CCDC25: variants seen among roughly 807,000 people sequenced by gnomAD.
CCDC25 encodes coiled-coil domain-containing protein 25.
Under a neutral mutation model 35.3 loss-of-function variants are expected in CCDC25, and 16 were observed. The observed-to-expected ratio is 0.45, with a 90% confidence interval of 0.31 to 0.69. CCDC25 has a LOEUF of 0.69. Among genes scored for constraint, CCDC25 ranks in the 30% least tolerant of loss-of-function variants. The pLI is 0.06. For synonymous variants in CCDC25, 79 were observed against 80.3 expected (o/e 0.98, Z 0.09); for missense variants, 179 against 250.7 (o/e 0.71, Z 1.93).
rs1194461168 is a variant in CCDC25 at position 27,737,574 on chromosome 8, C to T, written c.598-1329G>A. On this transcript the variant is annotated intron_variant, in intron 8 of 8. Coordinates refer to ENST00000356537, the MANE Select transcript of CCDC25 (RefSeq NM_018246.3). The surrounding 1 kb of genome is among the most constrained non-coding windows in gnomAD (Gnocchi z 4.6). ...CTTTAACTTAAAAATCAACTGATCA[C>T]GTTCTAAATTGGATCATAAAACATC... is the stretch of plus-strand genomic sequence containing the variant. 7.2e-5 allele frequency among the ~76,000 whole-genome samples: 11 copies of T among 152,116 alleles called. No homozygotes were observed. The highest frequency in any genetic ancestry group is 2.0e-4 in the Admixed American group (3 of 15,268).
chr8:27,755,597 G>C (rs916981813), intron 4 of CCDC25, among the ~76,000 whole-genome samples: 1 of 152,110 alleles, frequency 6.6e-6, no homozygotes, highest in Non-Finnish European at 1.5e-5. Context: ...TACAGAAATG[G>C]GGAGAAAAGC....
chr8:27,740,409 A>G, intron 8 of CCDC25, 63 bp downstream of exon 8: 2 of 1,511,554 alleles, frequency 1.3e-6, no homozygotes, highest in Admixed American at 1.9e-5. Context: ...CAGTAACACA[A>G]TTATTAAAAA....
chr8:27,750,090 G>T (rs184728448), intron 5 of CCDC25, among the ~76,000 whole-genome samples: 28 of 152,298 alleles, frequency 1.8e-4, no homozygotes, highest in Admixed American at 1.6e-3. Flanking sequence ...TGCTCTCCAC[G>T]ACTCTAACGG....
rs1043325989 is a variant in CCDC25 at position 27,772,554 on chromosome 8, G to C, written c.-14C>G. On this transcript the variant is annotated 5_prime_UTR_variant, in exon 1 of 9. Transcript: ENST00000356537. Reference sequence around the variant, plus strand: ...GTAGAACACCATGATCCCGGGAGCGGTGCGGTGACTCCACCGCGGAGCAGC... The same window carrying C: ...GTAGAACACCATGATCCCGGGAGCGCTGCGGTGACTCCACCGCGGAGCAGC... 5.2e-6 allele frequency: 8 copies of C among 1,548,948 alleles called. No homozygotes were observed. Among genetic ancestry groups the C allele is most frequent in the Non-Finnish European group, 7.0e-6 (8 of 1,146,472 alleles).
Position 27,756,782 on chromosome 8 carries a change from G to A in CCDC25, c.117-12C>T. Reference sequence around the variant, plus strand: ...TGTCCACATGAAACCTACAAAGAATGAAAACCACTTTTAGCAAGAGGTACA... The same window carrying A: ...TGTCCACATGAAACCTACAAAGAATAAAAACCACTTTTAGCAAGAGGTACA... On this transcript the variant is annotated splice_polypyrimidine_tract_variant and intron_variant, in intron 3 of 8. Coordinates refer to ENST00000356537, the MANE Select transcript of CCDC25 (RefSeq NM_018246.3). 2 of 1,604,354 alleles carry A rather than the reference G, an allele frequency of 1.2e-6. No homozygotes were observed. The highest frequency in any genetic ancestry group is 1.7e-6 in the Non-Finnish European group (2 of 1,171,238).
intron 3 of CCDC25, among the ~76,000 whole-genome samples, chr8:27,762,211 G>A (rs1053210727): frequency 4.6e-5 from 7 of 152,200 alleles, no homozygotes; most frequent in African/African-American, 1.7e-4. Context: ...CTGTGTCCTA[G>A]AGGCCTTTGC....
chr8:27,746,832 G>T lies in CCDC25; in HGVS notation c.551+1245C>A, dbSNP rs112065509. On this transcript the variant is annotated intron_variant, in intron 7 of 8. Coordinates refer to ENST00000356537, the MANE Select transcript of CCDC25 (RefSeq NM_018246.3). Reference sequence around the variant, plus strand: ...TTAGCAGAACCCCAACCAGAAACACGTGCATGCGAATAATAAATAACAGTA... The same window carrying T: ...TTAGCAGAACCCCAACCAGAAACACTTGCATGCGAATAATAAATAACAGTA... Among the ~76,000 whole-genome samples, 1,511 of 152,218 alleles carry T rather than the reference G, an allele frequency of 9.9e-3. 18 individuals are homozygous for T. The highest frequency in any genetic ancestry group is 0.034 in the African/African-American group (1,399 of 41,518).
rs1803209205 is a variant in CCDC25, at chr8:27,735,988, T to C, written c.*228A>G. 1 of 438,998 alleles carries C rather than the reference T, an allele frequency of 2.3e-6. No individual in the cohort carries two copies. The highest frequency in any genetic ancestry group is 4.1e-5 in the Admixed American group (1 of 24,562). 27.2% of individuals were successfully genotyped at this position (438,998 alleles called of 1,614,324 possible). A position where few individuals can be genotyped will look rare whatever the true frequency, so the allele number is the denominator to read the frequency against. ...AAGACATGTTCTGGCAAAAACATTT[T>C]CACTTTAAGTTATATGCTGTCAAGT... On this transcript the variant is annotated 3_prime_UTR_variant, in exon 9 of 9. Transcript: ENST00000356537.
chr8:27,757,299 C>A (rs558873787), intron 3 of CCDC25, among the ~76,000 whole-genome samples: 2 of 152,258 alleles, frequency 1.3e-5, no homozygotes, highest in South Asian at 4.1e-4. Flanking sequence ...GCAAAACAAT[C>A]CAAAGAGAAT....
chr8:27,748,441 G>A (rs1803679558), intron 6 of CCDC25, 54 bp downstream of exon 6: 1 of 1,398,166 alleles, frequency 7.2e-7, no homozygotes, highest in African/African-American at 1.4e-5. Context: ...GAAAAGATAG[G>A]ATACTCCATT....
intron 4 of CCDC25, among the ~76,000 whole-genome samples, chr8:27,755,312 G>T (rs547246011): frequency 6.6e-6 from 1 of 152,186 alleles, no homozygotes; most frequent in African/African-American, 2.4e-5. Context: ...GGGAGCACAC[G>T]GGAGCCCGCT....
At chr8:27,772,431 G>T in intron 1 of CCDC25, 82 bp downstream of exon 1, 3 of 1,399,226 alleles carry the variant, frequency 2.1e-6, no homozygotes, top group Non-Finnish European at 3.0e-6. Flanking sequence ...TAGAGCGAGG[G>T]TCAGGCGCAG....
intron 3 of CCDC25, among the ~76,000 whole-genome samples, chr8:27,761,455 T>A (rs1485681210): frequency 6.7e-6 from 1 of 149,686 alleles, no homozygotes; most frequent in Non-Finnish European, 1.5e-5. Flanking sequence ...GTTAAATGTA[T>A]TAATGGAGGT....
At chr8:27,764,537 T>C (rs1430020601) in intron 2 of CCDC25, 16 of 334,898 alleles carry the variant, frequency 4.8e-5, no homozygotes, top group Non-Finnish European at 8.5e-5. Flanking sequence ...CCTCAGCCTG[T>C]CAAAGTGTTG....
rs116739720 is a variant in CCDC25, at chr8:27,756,487, T to C, written c.168+232A>G. 8.6e-4 allele frequency: 417 copies of C among 487,216 alleles called. 2 individuals carry two copies. Among genetic ancestry groups the C allele is most frequent in the African/African-American group, 7.6e-3 (388 of 50,758 alleles). 30.2% of individuals were successfully genotyped at this position (487,216 alleles called of 1,614,324 possible). On this transcript the variant is annotated intron_variant, in intron 4 of 8. Transcript: ENST00000356537. ...AGACAGCACACCGGAAGTGACAGGA[T>C]AAGCAGTGCATCTAGCTGGGAAATA...
rs761616875 is a variant in CCDC25, at chr8:27,748,069, C to T, written c.551+8G>A. On this transcript the variant is annotated splice_region_variant and intron_variant, in intron 7 of 8. Coordinates refer to ENST00000356537, the MANE Select transcript of CCDC25 (RefSeq NM_018246.3). ...GAGGTCAGTCTCAATGCCACAGCTC[C>T]GACATACCTAAGTTCATCCATTTCC... 24 of 1,610,496 alleles carry T rather than the reference C, an allele frequency of 1.5e-5. No individual in the cohort carries two copies. The highest frequency in any genetic ancestry group is 1.3e-4 in the East Asian group (6 of 44,872).
chr8:27,772,461 G>C, intron 1 of CCDC25, 52 bp downstream of exon 1: 1 of 1,535,146 alleles, frequency 6.5e-7, no homozygotes, highest in Non-Finnish European at 8.8e-7. Context: ...GCGGGTCCCG[G>C]CTTCGGAGCC....
intron 3 of CCDC25, among the ~76,000 whole-genome samples, chr8:27,757,846 T>C (rs10091801): frequency 0.44 from 66,332 of 151,990 alleles, 14,728 homozygotes; most frequent in East Asian, 0.63. Context: ...GGGGGTGGAT[T>C]CTTCATGAAT....
rs1258656576 is a variant in CCDC25 at position 27,736,245 on chromosome 8, C to T, written c.598G>A (p.Asp200Asn). ...MKVENMSSNQ[D>N]GNDSDEFM ...ATGAATTCATCTGAATCATTGCCAT[C>T]CTGTAGGAAACACAAAAATGAGAAC... Residue 200 changes from aspartate (D) to asparagine (N), a missense_variant and splice_region_variant, in exon 9 of 9, where the codon GAT (aspartate) becomes AAT (asparagine). Asp to Asn is a conservative substitution (Grantham distance 23). Transcript: ENST00000356537. 2.5e-6 allele frequency: 4 copies of T among 1,603,880 alleles called. No homozygotes were observed. The highest frequency in any genetic ancestry group is 1.7e-5 in the Admixed American group (1 of 58,332).
Sources: allele counts gnomAD v4.1 joint callset (sites outside exome capture counted in the v4.1 genomes callset), GRCh38; gene constraint gnomAD v4.1.1; non-coding constraint Gnocchi (gnomAD v3.1); transcripts MANE v1.5; gene names NCBI Gene and HGNC (gene_info 2026-07-23, HGNC 2026-07-21).